PLXNC1: variants seen among roughly 807,000 people sequenced by gnomAD.
PLXNC1 encodes plexin-C1.
PLXNC1 carries 75 observed loss-of-function variants against 178.2 expected under a neutral mutation model. The ratio of observed to expected loss-of-function variants is 0.42; its 90% confidence interval spans 0.35 to 0.51. The LOEUF is 0.51. Ranked by LOEUF, PLXNC1 falls within the 20% of genes least tolerant of loss-of-function variation. PLXNC1 has a pLI of 0.02. For missense variants in PLXNC1, 1,503 were observed against 1,984.4 expected, an observed-to-expected ratio of 0.76 and a Z score of 4.61; for synonymous variants, 790 against 779.9, an observed-to-expected ratio of 1.01 and a Z score of -0.22.
chr12:94,286,616 CAAAAAAAAA>C (rs61238982), intron 23 of PLXNC1, among the ~76,000 whole-genome samples: 15,015 of 101,622 alleles, frequency 0.15, 850 homozygotes, highest in Middle Eastern at 0.19. Flanking sequence ...TGCTTAAAAG[CAAAAAAAAA>C]AAAAAAAAAA....
intron 21 of PLXNC1, among the ~76,000 whole-genome samples, chr12:94,271,986 C>T (rs1329257792): frequency 6.6e-6 from 1 of 152,098 alleles, no homozygotes; most frequent in Non-Finnish European, 1.5e-5. Context: ...CTGTGGCAGA[C>T]AGTATCCCAT....
In PLXNC1 at chr12:94,149,720, C is replaced by G. The variant is rs773879916; in HGVS notation, c.749C>G (p.Pro250Arg). The change falls in exon 1 of 31, where the codon CCC (proline) becomes CGC (arginine). Residue 250 changes from proline to arginine, a missense_variant. Around this residue, in one of 4 missense-constraint regions of PLXNC1, gnomAD observed 615 missense variants for 698.6 expected, o/e 0.88. Coordinates refer to ENST00000258526, the MANE Select transcript of PLXNC1 (RefSeq NM_005761.3). ...GGCAGCATCTACTTCCCCTACTACC[C>G]CTACAACTACACGAGCGGCGCTGCC... ...WNGSIYFPYYPYNYTSGAATG... is the reference protein window; with the variant it reads ...WNGSIYFPYYRYNYTSGAATG... The G allele has an allele frequency of 5.6e-6, 9 of 1,612,524 alleles. No individual in the cohort carries two copies. The South Asian group carries it at 8.8e-5, about 16-fold the overall frequency.
chr12:94,220,949 G>T (rs528234345), intron 6 of PLXNC1, among the ~76,000 whole-genome samples: 1 of 152,318 alleles, frequency 6.6e-6, no homozygotes, highest in Admixed American at 6.5e-5. Context: ...CATGGGGTAG[G>T]GGAAGGTGGA....
intron 1 of PLXNC1, 48 bp from the exon 2 acceptor site, chr12:94,169,105 T>A: frequency 3.3e-6 from 5 of 1,528,046 alleles, no homozygotes; most frequent in Non-Finnish European, 4.5e-6. Flanking sequence ...AGAACTATTG[T>A]TGTTAAAAAT....
intron 12 of PLXNC1, among the ~76,000 whole-genome samples, chr12:94,245,517 A>G (rs556696389): frequency 7.9e-5 from 12 of 152,266 alleles, no homozygotes; most frequent in Non-Finnish European, 1.8e-4. Context: ...CCCCATCTCT[A>G]TAAAATAAAA....
At chr12:94,281,556 A>G (rs995751283) in intron 22 of PLXNC1, among the ~76,000 whole-genome samples, 1 of 151,784 alleles carries the variant, frequency 6.6e-6, no homozygotes, top group Non-Finnish European at 1.5e-5. Context: ...AAGAAATCAG[A>G]TATCCAGTTT....
intron 7 of PLXNC1, among the ~76,000 whole-genome samples, chr12:94,225,071 C>G (rs141625708): frequency 6.6e-6 from 1 of 152,332 alleles, no homozygotes; most frequent in Non-Finnish European, 1.5e-5. Flanking sequence ...TTTTCACCAT[C>G]TTTGGCCTCT....
Position 94,149,359 on chromosome 12 carries a change from G to C in PLXNC1, c.388G>C (p.Asp130His), listed in dbSNP as rs1411104129. ...GGLLLTGWTF[D>H]RGACEVRPLG... ...GCTGCTGCTCACCGGCTGGACCTTC[G>C]ACCGGGGCGCCTGCGAGGTGCGGCC... is the stretch of plus-strand genomic sequence containing the variant. Residue 130 changes from aspartate (D) to histidine (H), a missense_variant, in exon 1 of 31, where the codon GAC becomes CAC. By Grantham distance (81) the Asp-to-His change is moderately conservative. This residue lies in a region of PLXNC1 where 73 missense variants were observed against 125.4 expected (regional missense o/e 0.58). Coordinates refer to ENST00000258526, the MANE Select transcript of PLXNC1 (RefSeq NM_005761.3). 2 of 1,428,110 alleles carry C rather than the reference G, an allele frequency of 1.4e-6. No homozygotes were observed. The highest frequency in any genetic ancestry group is 3.0e-5 in the African/African-American group (2 of 66,602). The allele number at this position is 1,428,110 out of a possible 1,614,324, so 88.5% of individuals were successfully genotyped here.
chr12:94,285,973 AG>A (rs1170151179), intron 23 of PLXNC1, among the ~76,000 whole-genome samples: 1 of 152,178 alleles, frequency 6.6e-6, no homozygotes, highest in Non-Finnish European at 1.5e-5. Context: ...TGCCATTAAT[AG>A]GAGGAGGCAG....
intron 23 of PLXNC1, among the ~76,000 whole-genome samples, chr12:94,292,933 G>A (rs1295715173): frequency 6.6e-6 from 1 of 152,196 alleles, no homozygotes; most frequent in African/African-American, 2.4e-5. Flanking sequence ...ATCATCAAGT[G>A]AGCATATCCT....
chr12:94,234,738 A>G (rs1320162961), intron 9 of PLXNC1, among the ~76,000 whole-genome samples: 1 of 152,244 alleles, frequency 6.6e-6, no homozygotes, highest in African/African-American at 2.4e-5. Flanking sequence ...ATGTTTTACA[A>G]TTAACTCCCT....
intron 21 of PLXNC1, among the ~76,000 whole-genome samples, chr12:94,274,618 A>G (rs1965802665): frequency 6.6e-6 from 1 of 152,238 alleles, no homozygotes; most frequent in Admixed American, 6.5e-5. Flanking sequence ...GGAAGGGACC[A>G]GTGTACATTT....
chr12:94,248,516 C>CA, intron 14 of PLXNC1, 104 bp downstream of exon 14: 2 of 912,860 alleles, frequency 2.2e-6, no homozygotes, highest in Non-Finnish European at 3.3e-6. Context: ...TCTTCAGATC[C>CA]TCACTTTAAA....
intron 5 of PLXNC1, among the ~76,000 whole-genome samples, chr12:94,216,714 G>T (rs1345026460): frequency 6.6e-6 from 1 of 152,168 alleles, no homozygotes; most frequent in African/African-American, 2.4e-5. Context: ...TAGAAACCTG[G>T]AAATAATGAA....
chr12:94,173,281 G>A (rs1211479620), intron 2 of PLXNC1, among the ~76,000 whole-genome samples: 1 of 152,166 alleles, frequency 6.6e-6, no homozygotes, highest in Non-Finnish European at 1.5e-5. Context: ...ATTCCTTTGA[G>A]CTGACTCTGT....
intron 20 of PLXNC1, among the ~76,000 whole-genome samples, chr12:94,261,791 T>G (rs993427562): frequency 2.6e-5 from 4 of 152,220 alleles, no homozygotes; most frequent in African/African-American, 9.6e-5. Flanking sequence ...GCTACTTAAG[T>G]TTAGATCCAA....
intron 30 of PLXNC1, 95 bp from the exon 31 acceptor site, chr12:94,305,086 T>C: frequency 2.8e-6 from 2 of 723,400 alleles, no homozygotes; most frequent in Non-Finnish European, 4.8e-6. Context: ...ATCTGTTTCA[T>C]ACAGATTTTA....
chr12:94,181,648 A>G, intron 3 of PLXNC1, 68 bp downstream of exon 3: 2 of 1,333,910 alleles, frequency 1.5e-6, no homozygotes, highest in Non-Finnish European at 1.1e-6. Context: ...GTCATTATCT[A>G]GTAGCAAAGC....
intron 4 of PLXNC1, among the ~76,000 whole-genome samples, chr12:94,188,902 C>T (rs1962619709): frequency 6.6e-6 from 1 of 152,218 alleles, no homozygotes; most frequent in African/African-American, 2.4e-5. Context: ...TCTCCTATTG[C>T]TCACATTATT....
Sources: gnomAD v4.1 joint callset for allele counts (sites outside exome capture counted in the v4.1 genomes callset) on GRCh38, gnomAD v4.1.1 for gene constraint, gnomAD v4.1.1 regional missense constraint, MANE v1.5 for transcripts, NCBI Gene and HGNC (gene_info 2026-07-23, HGNC 2026-07-21) for gene names.